The following TMEM145 variants were observed in gnomAD, a reference collection of about 807,000 sequenced individuals.
TMEM145 encodes transmembrane protein 145.
Under a neutral mutation model 68.5 loss-of-function variants are expected in TMEM145, and 46 were observed. The ratio of observed to expected loss-of-function variants is 0.67; its 90% CI spans 0.53 to 0.86. TMEM145 has a LOEUF of 0.86. Ranked by LOEUF, TMEM145 falls within the 40% of genes least tolerant of loss-of-function variation. TMEM145 has a pLI of 0.00. For missense variants in TMEM145, 570 were observed against 645.8 expected, an observed-to-expected ratio of 0.88 and a Z score of 1.27; for synonymous variants, 255 against 280.2, an observed-to-expected ratio of 0.91 and a Z score of 0.90.
rs367666475 is a variant in TMEM145 at position 42,316,784 on chromosome 19, A to G, written c.806+44A>G. 2.6e-3 allele frequency: 1,993 copies of G among 772,526 alleles called. 13 individuals carry two copies. The highest frequency in any genetic ancestry group is 0.012 in the South Asian group (914 of 73,600). 47.9% of individuals were successfully genotyped at this position (772,526 alleles called of 1,614,324 possible). A position where few individuals can be genotyped will look rare whatever the true frequency, so the allele number is the denominator to read the frequency against. On this transcript the variant is annotated intron_variant, in intron 10 of 14. Coordinates refer to ENST00000301204, the MANE Select transcript of TMEM145 (RefSeq NM_173633.3). ...CTCGTGGGGCGGCTGGTGGGGGAGCAGGGCAGGGGCAGGGTTGGGGGGCTG... is the reference window on the plus strand; with the variant it reads ...CTCGTGGGGCGGCTGGTGGGGGAGCGGGGCAGGGGCAGGGTTGGGGGGCTG...
At position 42,323,515 on chromosome 19, in the gene TMEM145, C is replaced by T. The variant is rs549889349; in HGVS notation, c.1195-68C>T. ...TCAACTGAAAGGGAATCCTTCGGAC[C>T]CCAAGTTTATGGGGACAGCCTCCGG... is the stretch of plus-strand genomic sequence containing the variant. On this transcript the variant is annotated intron_variant, in intron 13 of 14. Transcript: ENST00000301204. 252 of 1,513,792 alleles carry T rather than the reference C, an allele frequency of 1.7e-4. 2 individuals carry two copies. The African/African-American group carries it at 3.2e-3, about 19-fold the overall frequency. 93.8% of individuals were successfully genotyped at this position (1,513,792 alleles called of 1,614,324 possible).
intron 6 of TMEM145, 53 bp downstream of exon 6, chr19:42,315,130 G>A (rs372859706): frequency 4.3e-6 from 7 of 1,614,056 alleles, no homozygotes; most frequent in Admixed American, 1.7e-5. Context: ...CCAGAGCTGG[G>A]TGCCCACTGA....
Position 42,323,715 on chromosome 19 carries a change from G to A in TMEM145, c.1327G>A (p.Gly443Arg). ...CAAGGCCTTCCCGCAGCACGTCTATGGGAACGTGACGTTTATCAGCGACTC... is the reference window on the plus strand; with the variant it reads ...CAAGGCCTTCCCGCAGCACGTCTATAGGAACGTGACGTTTATCAGCGACTC... ...ADKAFPQHVYGNVTFISDSVP... is the reference protein window; with the variant it reads ...ADKAFPQHVYRNVTFISDSVP... The change falls in exon 14 of 15, where the codon GGG becomes AGG. Residue 443 changes from glycine to arginine, a missense_variant. By Grantham distance (125) the Gly-to-Arg change is moderately radical. Coordinates refer to ENST00000301204, the MANE Select transcript of TMEM145 (RefSeq NM_173633.3). 6.2e-7 allele frequency: 1 copy of A among 1,614,178 alleles called. No individual in the cohort carries two copies.
At position 42,316,510 on chromosome 19, in the gene TMEM145, T is replaced by G; in HGVS notation, c.676T>G (p.Trp226Gly). 1 of 1,614,142 alleles carries G rather than the reference T, an allele frequency of 6.2e-7. No individual in the cohort carries two copies. Among genetic ancestry groups the G allele is most frequent in the Non-Finnish European group, 8.5e-7 (1 of 1,180,000 alleles). Residue 226 changes from tryptophan to glycine, a missense_variant, in exon 9 of 15, where the codon TGG becomes GGG. By Grantham distance (184) the Trp-to-Gly change is radical. Coordinates refer to ENST00000301204, the MANE Select transcript of TMEM145 (RefSeq NM_173633.3). ...VLSLLFFCIY[W>G]GQYATDGIGN... Reference sequence around the variant, plus strand: ...GAGCCTCCTATTTTTCTGCATCTACTGGGGTCAATATGCCACCGATGGCAT... The same window carrying G: ...GAGCCTCCTATTTTTCTGCATCTACGGGGGTCAATATGCCACCGATGGCAT...
At chr19:42,318,644 AT>A (rs1376477616) in intron 12 of TMEM145, among the ~76,000 whole-genome samples, 2 of 150,762 alleles carry the variant, frequency 1.3e-5, no homozygotes, top group Non-Finnish European at 3.0e-5. Flanking sequence ...CCGAGATCAC[AT>A]CATTGCATTC....
chr19:42,323,389 C>T (rs11880356), intron 13 of TMEM145, among the ~76,000 whole-genome samples, 194 bp from the exon 14 acceptor site: 2 of 152,136 alleles, frequency 1.3e-5, no homozygotes, highest in Admixed American at 6.5e-5. Flanking sequence ...AAGCACAGGC[C>T]GAGTTTTGTT....
At chr19:42,321,052 C>T in intron 13 of TMEM145, 1 of 398,896 alleles carries the variant, frequency 2.5e-6, no homozygotes, top group Non-Finnish European at 4.4e-6. Flanking sequence ...CAGATTCTTC[C>T]ATTTCTCTTT....
At chr19:42,324,312 C>T in intron 14 of TMEM145, 1 of 985,298 alleles carries the variant, frequency 1.0e-6, no homozygotes, top group African/African-American at 1.7e-5. Flanking sequence ...GCGGTGGCGG[C>T]GGCGGTGGCC....
chr19:42,323,795 C>T lies in TMEM145; in HGVS notation c.1401+6C>T. 3 of 1,613,114 alleles carry T rather than the reference C, an allele frequency of 1.9e-6. No homozygotes were observed. Among genetic ancestry groups the T allele is most frequent in the Non-Finnish European group, 2.5e-6 (3 of 1,179,366 alleles). On this transcript the variant is annotated splice_donor_region_variant and intron_variant, in intron 14 of 14. Coordinates refer to ENST00000301204, the MANE Select transcript of TMEM145 (RefSeq NM_173633.3). ...TCCCCCCGCCCGCCACCTCCGTAAG[C>T]CCCGCGGCCCCAGCGCCCGAGGAGC...
intron 13 of TMEM145, 89 bp from the exon 14 acceptor site, chr19:42,323,494 C>T: frequency 7.7e-7 from 1 of 1,304,768 alleles, no homozygotes; most frequent in Non-Finnish European, 1.1e-6. Flanking sequence ...TGGATGTCAA[C>T]TGAAAGGGAA....
chr19:42,314,209 G>C, intron 1 of TMEM145, 63 bp from the exon 2 acceptor site: 1 of 1,584,810 alleles, frequency 6.3e-7, no homozygotes, highest in Non-Finnish European at 8.7e-7. Context: ...AAAAGTTGGG[G>C]GTCTATGGAG....
intron 1 of TMEM145, 50 bp from the exon 2 acceptor site, chr19:42,314,220 TAA>T: frequency 6.2e-7 from 1 of 1,601,930 alleles, no homozygotes; most frequent in Non-Finnish European, 8.6e-7. Flanking sequence ...GTCTATGGAG[TAA>T]AGAGTTCTTG....
rs371702792 is a variant in TMEM145, at chr19:42,315,349, C to T, written c.578-23C>T. 4.3e-6 allele frequency: 7 copies of T among 1,613,890 alleles called. No individual in the cohort carries two copies. The African/African-American group carries it at 5.3e-5, about 12-fold the overall frequency. On this transcript the variant is annotated intron_variant, in intron 7 of 14. Transcript: ENST00000301204. ...GCTCTCCCTTTCTGCCTGTGGACAG[C>T]CTTTCCCTACCTTGCTTCCTAGATT... is the stretch of plus-strand genomic sequence containing the variant.
chr19:42,324,380 G>T (rs1488776088), intron 14 of TMEM145: 4 of 984,498 alleles, frequency 4.1e-6, no homozygotes, highest in Non-Finnish European at 3.6e-6. Flanking sequence ...CCCACTTCCC[G>T]CTCGGTTCCC....
At chr19:42,314,110 C>A (rs533592808) in intron 1 of TMEM145, among the ~76,000 whole-genome samples, 162 bp from the exon 2 acceptor site, 1 of 151,896 alleles carries the variant, frequency 6.6e-6, no homozygotes, top group East Asian at 1.9e-4. Flanking sequence ...GAATCCTGGA[C>A]CCACAGTGAC....
Position 42,317,693 on chromosome 19 carries a change from T to C in TMEM145, c.901-16T>C, listed in dbSNP as rs763069204. The C allele has an allele frequency of 6.2e-6, 10 of 1,613,578 alleles. No individual in the cohort carries two copies. The highest frequency in any genetic ancestry group is 8.5e-6 in the Non-Finnish European group (10 of 1,179,704). On this transcript the variant is annotated splice_polypyrimidine_tract_variant and intron_variant, in intron 11 of 14. Transcript: ENST00000301204. ...GAGGAGGCCAGGCTGTGATGGACCC[T>C]CTCCTGCGGGTCTAGTTCTTTGACC...
chr19:42,315,144 G>C, intron 6 of TMEM145, 44 bp from the exon 7 acceptor site: 1 of 1,614,130 alleles, frequency 6.2e-7, no homozygotes, highest in African/African-American at 1.3e-5. Context: ...CCACTGAGGG[G>C]ACATCCACCT....
Position 42,313,485 on chromosome 19 carries a change from A to G in TMEM145, c.109A>G (p.Ser37Gly). ...ARAKYVRGNL[S>G]SKEDWVFLTR... ...GGCCAAGTACGTGCGGGGCAACCTC[A>G]GTTCCAAGGAGGTGAGCATGCCGAG... The change falls in exon 1 of 15, where the codon AGT becomes GGT. Residue 37 changes from serine (S) to glycine (G), a missense_variant. By Grantham distance (56) the Ser-to-Gly change is moderately conservative. Coordinates refer to ENST00000301204, the MANE Select transcript of TMEM145 (RefSeq NM_173633.3). This position sits in a 1 kb window ranked among gnomAD's most constrained non-coding sequence, Gnocchi z 5.1. The G allele has an allele frequency of 2.3e-6, 3 of 1,311,940 alleles. No individual in the cohort carries two copies. Among genetic ancestry groups the G allele is most frequent in the Non-Finnish European group, 2.9e-6 (3 of 1,025,268 alleles). 81.3% of individuals were successfully genotyped at this position (1,311,940 alleles called of 1,614,324 possible).
intron 8 of TMEM145, 135 bp from the exon 9 acceptor site, chr19:42,316,346 C>A: frequency 2.4e-6 from 2 of 821,444 alleles, no homozygotes. Flanking sequence ...ATTCTCCTAG[C>A]AGGTGAGTCG....
Sources: allele counts gnomAD v4.1 joint callset (sites outside exome capture counted in the v4.1 genomes callset), GRCh38; gene constraint gnomAD v4.1.1; non-coding constraint Gnocchi (gnomAD v3.1); transcripts MANE v1.5; gene names NCBI Gene and HGNC (gene_info 2026-07-23, HGNC 2026-07-21).